The following PRKAB1 variants were observed in gnomAD, a reference collection of about 807,000 sequenced individuals.
PRKAB1 encodes 5'-AMP-activated protein kinase subunit beta-1.
Under a neutral mutation model 32.0 loss-of-function variants are expected in PRKAB1, and 18 were observed. That is an observed-to-expected ratio of 0.56 (90% CI 0.39 to 0.83). The LOEUF is 0.83. Among genes scored for constraint, PRKAB1 ranks in the 40% least tolerant of loss-of-function variants. The pLI is 0.00. For synonymous variants in PRKAB1, 141 were observed against 141.4 expected (o/e 1.00, Z 0.02); for missense variants, 263 against 352.6 (o/e 0.75, Z 2.03).
chr12:119,668,539 AG>A, intron 1 of PRKAB1, 136 bp downstream of exon 1: 1 of 1,214,446 alleles, frequency 8.2e-7, no homozygotes, highest in South Asian at 1.5e-5. Context: ...TGCACTTAAA[AG>A]CCAGATGGTC....
chr12:119,679,825 C>A lies in PRKAB1; in HGVS notation c.667-108C>A. The A allele has an allele frequency of 8.3e-7, 1 of 1,200,080 alleles. No homozygotes were observed. 74.3% of individuals were successfully genotyped at this position (1,200,080 alleles called of 1,614,324 possible). A position where few individuals can be genotyped will look rare whatever the true frequency, so the allele number is the denominator to read the frequency against. On this transcript the variant is annotated intron_variant, in intron 5 of 6. Transcript: ENST00000229328. This position sits in a 1 kb window ranked among gnomAD's most constrained non-coding sequence, Gnocchi z 4.1. The stretch of plus-strand genomic sequence containing the variant: ...CGCTGCCTGATTTGGGAAGAGAGGT[C>A]GGCCTGAGCGCTGCCTCCTGTCCTT...
In PRKAB1 at chr12:119,674,156, A is replaced by G. The variant is rs777064949; in HGVS notation, c.417+99A>G. The G allele has an allele frequency of 2.4e-5, 29 of 1,228,754 alleles. No homozygotes were observed. Among genetic ancestry groups the G allele is most frequent in the Non-Finnish European group, 3.2e-5 (27 of 855,578 alleles). The allele number at this position is 1,228,754 out of a possible 1,614,324, so 76.1% of individuals were successfully genotyped here. ...GCTAGGTCCCTTTGCCCAGCTAGTAAAAGTCCCCGTGTGTGGCAGAGCTGA... is the reference window on the plus strand; with the variant it reads ...GCTAGGTCCCTTTGCCCAGCTAGTAGAAGTCCCCGTGTGTGGCAGAGCTGA... On this transcript the variant is annotated intron_variant, in intron 3 of 6. Coordinates refer to ENST00000229328, the MANE Select transcript of PRKAB1 (RefSeq NM_006253.5). This position sits in a 1 kb window ranked among gnomAD's most constrained non-coding sequence, Gnocchi z 4.3.
chr12:119,676,565 C>T lies in PRKAB1; in HGVS notation c.561C>T (p.Tyr187=). The part of the protein sequence containing the change: ...SELSSSPPGP[Y]HQEPYVCKPE... ...TGTCCAGTTCTCCCCCAGGACCCTA[C>T]CATCAGGAGCCCTACGTCTGCAAAC... The change falls in exon 5 of 7, where the codon TAC becomes TAT. Residue 187 remains tyrosine, a synonymous_variant. Transcript: ENST00000229328. 1 of 1,613,568 alleles carries T rather than the reference C, an allele frequency of 6.2e-7. No homozygotes were observed. Among genetic ancestry groups the T allele is most frequent in the Non-Finnish European group, 8.5e-7 (1 of 1,179,546 alleles).
At chr12:119,677,860 G>C (rs1955437561) in intron 5 of PRKAB1, 1 of 146,838 alleles carries the variant, frequency 6.8e-6, no homozygotes, top group African/African-American at 2.5e-5. Flanking sequence ...CGCCTCCCGA[G>C]TTCACGCCAT....
At position 119,673,980 on chromosome 12, in the gene PRKAB1, G is replaced by A; in HGVS notation, c.340G>A (p.Ala114Thr). 2 of 1,613,570 alleles carry A rather than the reference G, an allele frequency of 1.2e-6. No individual in the cohort carries two copies. Among genetic ancestry groups the A allele is most frequent in the Non-Finnish European group, 1.7e-6 (2 of 1,179,750 alleles). ...PLTRSHNNFVAILDLPEGEHQ... is the reference protein window; with the variant it reads ...PLTRSHNNFVTILDLPEGEHQ... Reference sequence around the variant, plus strand: ...TCCTTGCAGCCACAATAACTTTGTAGCCATCCTGGATCTGCCGGAAGGAGA... The same window carrying A: ...TCCTTGCAGCCACAATAACTTTGTAACCATCCTGGATCTGCCGGAAGGAGA... Residue 114 changes from alanine to threonine, a missense_variant, in exon 3 of 7, where the codon GCC (alanine) becomes ACC (threonine). Transcript: ENST00000229328.
At chr12:119,676,179 T>G (rs1026690475) in intron 4 of PRKAB1, among the ~76,000 whole-genome samples, 1 of 152,208 alleles carries the variant, frequency 6.6e-6, no homozygotes, top group Non-Finnish European at 1.5e-5. Context: ...GCCTCCAGCT[T>G]CTTTGTGGTT....
intron 4 of PRKAB1, among the ~76,000 whole-genome samples, chr12:119,676,319 T>C (rs1264446930): frequency 6.6e-6 from 1 of 152,210 alleles, no homozygotes; most frequent in Non-Finnish European, 1.5e-5. Context: ...CCAGGGCATC[T>C]GAGTTGACTA....
In PRKAB1 at chr12:119,680,313, C is replaced by G; in HGVS notation, c.801C>G (p.Tyr267Ter). 3.1e-6 allele frequency: 5 copies of G among 1,614,018 alleles called. No homozygotes were observed. Among genetic ancestry groups the G allele is most frequent in the Non-Finnish European group, 4.2e-6 (5 of 1,179,932 alleles). Residue 267 changes from tyrosine (Y) to a stop codon, truncating the protein, a stop_gained, in exon 7 of 7, where the codon TAC becomes TAG. Coordinates refer to ENST00000229328, the MANE Select transcript of PRKAB1 (RefSeq NM_006253.5). LOFTEE classifies it high-confidence loss of function. ...AGAAGTACGTCACCACCTTGTTATA[C>G]AAGCCCATATGAAGAGCTGGGGGCG... ...YKKKYVTTLLYKPI is the reference protein window; with the variant it reads ...YKKKYVTTLL
At chr12:119,671,640 C>T (rs906048163) in intron 1 of PRKAB1, 5 of 252,346 alleles carry the variant, frequency 2.0e-5, no homozygotes, top group South Asian at 7.1e-5. Context: ...GCCCTTGACA[C>T]GTGGGGATTA....
At chr12:119,673,067 A>C (rs1955399054) in intron 2 of PRKAB1, among the ~76,000 whole-genome samples, 1 of 152,080 alleles carries the variant, frequency 6.6e-6, no homozygotes, top group Non-Finnish European at 1.5e-5. Context: ...CCATCTCTAC[A>C]AAAAAATTAA....
intron 4 of PRKAB1, among the ~76,000 whole-genome samples, chr12:119,675,552 T>G (rs1436650188): frequency 6.6e-6 from 1 of 152,228 alleles, no homozygotes; most frequent in Non-Finnish European, 1.5e-5. Flanking sequence ...CTTACAAGCT[T>G]TTTAGTCAAA....
upstream of PRKAB1, chr12:119,668,057 T>A (rs1156630590): frequency 1.5e-6 from 1 of 668,918 alleles, no homozygotes. Flanking sequence ...TAAAGCGCGA[T>A]TGCGAGAGCT....
chr12:119,668,328 C>G lies in PRKAB1; in HGVS notation c.84C>G (p.Thr28=). ...CCCGGAGGGACAGCTCGGGGGGCACCAAGGACGGGGACAGGCCCAAGATCC... is the reference window on the plus strand; with the variant it reads ...CCCGGAGGGACAGCTCGGGGGGCACGAAGGACGGGGACAGGCCCAAGATCC... The part of the protein sequence containing the change: ...KTPRRDSSGG[T]KDGDRPKILM... The change falls in exon 1 of 7, where the codon ACC becomes ACG. Residue 28 remains threonine (T), a synonymous_variant. Coordinates refer to ENST00000229328, the MANE Select transcript of PRKAB1 (RefSeq NM_006253.5). 1 of 1,613,130 alleles carries G rather than the reference C, an allele frequency of 6.2e-7. No individual in the cohort carries two copies. Among genetic ancestry groups the G allele is most frequent in the Non-Finnish European group, 8.5e-7 (1 of 1,179,596 alleles).
In PRKAB1 at chr12:119,676,731, C is replaced by G. The variant is rs1408006847; in HGVS notation, c.666+61C>G. On this transcript the variant is annotated intron_variant, in intron 5 of 6. Transcript: ENST00000229328. ...TGGGTCATGTTCAGTTGCTTTCTTT[C>G]CTGTGTCCACCTCTTGCAAAGCAGC... The G allele has an allele frequency of 2.1e-5, 33 of 1,566,454 alleles. No individual in the cohort carries two copies. In the East Asian group the frequency reaches 7.5e-4, roughly 36 times the overall value.
intron 6 of PRKAB1, 79 bp downstream of exon 6, chr12:119,680,080 C>A: frequency 6.5e-7 from 1 of 1,533,272 alleles, no homozygotes; most frequent in Non-Finnish European, 9.0e-7. Flanking sequence ...AATGACCTGG[C>A]GGGACTGACT....
chr12:119,677,761 G>GTTTTTTTTTTTTT (rs58948706), intron 5 of PRKAB1: 2 of 99,554 alleles, frequency 2.0e-5, no homozygotes, highest in African/African-American at 4.1e-5. Context: ...AGTGAGGTTT[G>GTTTTTTTTTTTTT]TTTTTTTTTT....
intron 5 of PRKAB1, 112 bp downstream of exon 5, chr12:119,676,782 C>G: frequency 7.3e-7 from 1 of 1,361,982 alleles, no homozygotes; most frequent in Non-Finnish European, 1.0e-6. Context: ...GTGTCACCCC[C>G]TAGTGTGAAC....
chr12:119,679,249 AC>A lies in PRKAB1; in HGVS notation c.667-681del, dbSNP rs1955447648. 6.6e-6 allele frequency: 1 copy of A among 152,460 alleles called. No homozygotes were observed. The highest frequency in any genetic ancestry group is 1.5e-5 in the Non-Finnish European group (1 of 68,138). 9.4% of individuals were successfully genotyped at this position (152,460 alleles called of 1,614,324 possible). ...TTGGTAGTTGGTGCTCTCAGCAGCC[AC>A]CCTGAATGGCCTCCCAGCGGGAGCT... On this transcript the variant is annotated intron_variant, in intron 5 of 6. Coordinates refer to ENST00000229328, the MANE Select transcript of PRKAB1 (RefSeq NM_006253.5). The surrounding 1 kb of genome is among the most constrained non-coding windows in gnomAD (Gnocchi z 4.1).
Position 119,668,327 on chromosome 12 carries a change from C to G in PRKAB1, c.83C>G (p.Thr28Ser). The G allele has an allele frequency of 6.2e-7, 1 of 1,613,100 alleles. No homozygotes were observed. The highest frequency in any genetic ancestry group is 8.5e-7 in the Non-Finnish European group (1 of 1,179,618). The change falls in exon 1 of 7, where the codon ACC (threonine) becomes AGC (serine). Residue 28 changes from threonine to serine, a missense_variant. By Grantham distance (58) the Thr-to-Ser change is moderately conservative (BLOSUM62 1). Coordinates refer to ENST00000229328, the MANE Select transcript of PRKAB1 (RefSeq NM_006253.5). ...CCCCGGAGGGACAGCTCGGGGGGCA[C>G]CAAGGACGGGGACAGGCCCAAGATC... Reference protein sequence around the residue: ...KTPRRDSSGGTKDGDRPKILM... With the variant: ...KTPRRDSSGGSKDGDRPKILM...
Sources: allele counts gnomAD v4.1 joint callset (sites outside exome capture counted in the v4.1 genomes callset), GRCh38; gene constraint gnomAD v4.1.1; non-coding constraint Gnocchi (gnomAD v3.1); transcripts MANE v1.5; gene names NCBI Gene and HGNC (gene_info 2026-07-23, HGNC 2026-07-21).